The following GLCCI1 variants were observed in gnomAD, a reference collection of about 807,000 sequenced individuals.
GLCCI1 encodes glucocorticoid induced 1.
Under a neutral mutation model 52.2 loss-of-function variants are expected in GLCCI1, and 24 were observed. That is an observed-to-expected ratio of 0.46 (90% CI 0.33 to 0.65). The LOEUF (loss-of-function observed/expected upper bound fraction) is 0.65. Among genes scored for constraint, GLCCI1 ranks in the 30% least tolerant of loss-of-function variants. The probability of loss-of-function intolerance (pLI) is 0.02; values close to 1 mark genes in which losing one functional copy is unlikely to be tolerated. For missense variants in GLCCI1, 704 were observed against 701.5 expected, an observed-to-expected ratio of 1.00 and a Z score of -0.04; for synonymous variants, 310 against 276.5, an observed-to-expected ratio of 1.12 and a Z score of -1.20.
chr7:8,083,573 T>C (rs900409921), intron 6 of GLCCI1, among the ~76,000 whole-genome samples: 1 of 152,196 alleles, frequency 6.6e-6, no homozygotes, highest in African/African-American at 2.4e-5. Context: ...CAAATCTGAA[T>C]GGTATATGAA....
At chr7:8,008,363 T>TAA (rs1781199172) in intron 2 of GLCCI1, among the ~76,000 whole-genome samples, 1 of 151,738 alleles carries the variant, frequency 6.6e-6, no homozygotes, top group South Asian at 2.1e-4. Flanking sequence ...TTGGCTCACT[T>TAA]CAACCTCTGC....
chr7:8,005,075 G>C (rs1425571015), intron 2 of GLCCI1, among the ~76,000 whole-genome samples: 2 of 152,058 alleles, frequency 1.3e-5, no homozygotes, highest in African/African-American at 4.8e-5. Flanking sequence ...CATTTAGTGA[G>C]GAAGAGGATA....
intron 1 of GLCCI1, among the ~76,000 whole-genome samples, chr7:7,996,265 G>T (rs551364739): frequency 2.6e-5 from 4 of 152,100 alleles, no homozygotes; most frequent in African/African-American, 9.6e-5. Flanking sequence ...TAGATGTTTG[G>T]AATTTCATTA....
At chr7:7,992,059 C>A (rs1583952488) in intron 1 of GLCCI1, among the ~76,000 whole-genome samples, 1 of 138,538 alleles carries the variant, frequency 7.2e-6, no homozygotes, top group South Asian at 2.4e-4. Context: ...TTCTTTCTTT[C>A]TTTCTTTCTT....
intron 2 of GLCCI1, among the ~76,000 whole-genome samples, chr7:8,018,282 T>C (rs1037226429): frequency 6.6e-6 from 1 of 152,198 alleles, no homozygotes; most frequent in Admixed American, 6.5e-5. Context: ...TTTTTGTTGA[T>C]GGATTTTTTT....
At chr7:8,013,757 T>A (rs1409875707) in intron 2 of GLCCI1, among the ~76,000 whole-genome samples, 1 of 152,236 alleles carries the variant, frequency 6.6e-6, no homozygotes, top group Non-Finnish European at 1.5e-5. Flanking sequence ...TGGTTGCTGT[T>A]GTAATTAGGA....
In GLCCI1 at chr7:8,038,876, A is replaced by T. The variant is rs547825305; in HGVS notation, c.696+16307A>T. ...AAACTATATATCTGACAAAGGACTA[A>T]TGCACAGAATCTACAAGGAAGTCAA... is the stretch of plus-strand genomic sequence containing the variant. On this transcript the variant is annotated intron_variant, in intron 3 of 7. Coordinates refer to ENST00000223145, the MANE Select transcript of GLCCI1 (RefSeq NM_138426.4). 1.1e-4 allele frequency among the ~76,000 whole-genome samples: 16 copies of T among 152,350 alleles called. No individual in the cohort carries two copies. The South Asian group carries it at 3.3e-3, about 32-fold the overall frequency.
chr7:8,061,783 C>G (rs1335134369), intron 5 of GLCCI1, among the ~76,000 whole-genome samples: 1 of 150,754 alleles, frequency 6.6e-6, no homozygotes, highest in African/African-American at 2.4e-5. Flanking sequence ...TCTCCCGCCT[C>G]AGCCTCCTGA....
At chr7:8,064,616 G>C (rs552850376) in intron 5 of GLCCI1, among the ~76,000 whole-genome samples, 6 of 152,312 alleles carry the variant, frequency 3.9e-5, no homozygotes, top group African/African-American at 1.4e-4. Flanking sequence ...TTTTAAAATA[G>C]ATTTTTCTGA....
In GLCCI1 at chr7:8,021,451, C is replaced by T. The variant is rs1344295738; in HGVS notation, c.610-1032C>T. 4.6e-5 allele frequency among the ~76,000 whole-genome samples: 7 copies of T among 152,030 alleles called. No individual in the cohort carries two copies. The South Asian group carries it at 1.2e-3, about 27-fold the overall frequency. On this transcript the variant is annotated intron_variant, in intron 2 of 7. Transcript: ENST00000223145. ...TTTTGAGACAGAGTTTCACTCTCGT[C>T]GCCCAGGCTGGAGTGCAATGACACA...
At position 8,004,064 on chromosome 7, in the gene GLCCI1, A is replaced by T. The variant is rs1781100328; in HGVS notation, c.609+5A>T. ...ATGAAAGACAAAGCTACTCAGGTAA[A>T]ATCAGGAAATCAAAATCAGCTTATT... On this transcript the variant is annotated splice_donor_5th_base_variant and intron_variant, in intron 2 of 7. Coordinates refer to ENST00000223145, the MANE Select transcript of GLCCI1 (RefSeq NM_138426.4). 1 of 1,611,100 alleles carries T rather than the reference A, an allele frequency of 6.2e-7. No individual in the cohort carries two copies. Among genetic ancestry groups the T allele is most frequent in the African/African-American group, 1.3e-5 (1 of 74,830 alleles).
At chr7:8,070,543 C>T (rs931314240) in intron 5 of GLCCI1, 1 of 159,396 alleles carries the variant, frequency 6.3e-6, no homozygotes, top group South Asian at 1.9e-4. Flanking sequence ...TTCTTACAAG[C>T]AAGTCAAAGT....
intron 5 of GLCCI1, among the ~76,000 whole-genome samples, chr7:8,061,559 C>G (rs770884368): frequency 3.8e-4 from 57 of 151,744 alleles, no homozygotes; most frequent in Non-Finnish European, 7.9e-4. Flanking sequence ...TACTATTTGA[C>G]TCTCCTTCAA....
intron 3 of GLCCI1, among the ~76,000 whole-genome samples, chr7:8,036,340 C>T (rs1018203797): frequency 6.6e-6 from 1 of 151,986 alleles, no homozygotes; most frequent in Non-Finnish European, 1.5e-5. Context: ...GGAAAGCACC[C>T]AGAATAAAAG....
chr7:8,086,496 G>A lies in GLCCI1; in HGVS notation c.1602G>A (p.Gln534=), dbSNP rs1394140354. 1 of 1,613,688 alleles carries A rather than the reference G, an allele frequency of 6.2e-7. No individual in the cohort carries two copies. Among genetic ancestry groups the A allele is most frequent in the Non-Finnish European group, 8.5e-7 (1 of 1,179,872 alleles). ...AGCAGCAGCTCCTGCAGGAACTGCA[G>A]GGTGAGGACCACATCTCTGCTCAGA... ...SQQQQLLQEL[Q]GEDHISAQNY... The change falls in exon 8 of 8, where the codon CAG becomes CAA. Residue 534 remains glutamine (Q), a synonymous_variant. Coordinates refer to ENST00000223145, the MANE Select transcript of GLCCI1 (RefSeq NM_138426.4). The surrounding 1 kb of genome is among the most constrained non-coding windows in gnomAD (Gnocchi z 4.4).
rs1468962469 is a variant in GLCCI1, at chr7:8,055,730, C to A, written c.813+181C>A. On this transcript the variant is annotated intron_variant, in intron 4 of 7. Transcript: ENST00000223145. ...GGCGGCCGGCCTTGGTGGCTCACGC[C>A]TGTAATCCCAGCACTTTGGGAGGCC... The A allele has an allele frequency of 1.1e-5, 5 of 447,100 alleles. No homozygotes were observed. The South Asian group carries it at 1.2e-4, about 10-fold the overall frequency. 27.7% of individuals were successfully genotyped at this position (447,100 alleles called of 1,614,324 possible).
chr7:8,019,896 G>A (rs1781451279), intron 2 of GLCCI1, among the ~76,000 whole-genome samples: 1 of 152,218 alleles, frequency 6.6e-6, no homozygotes, highest in South Asian at 2.1e-4. Flanking sequence ...GGGTCAGTGA[G>A]CGGTGAGTGA....
chr7:8,017,385 C>G (rs1781401496), intron 2 of GLCCI1, among the ~76,000 whole-genome samples: 1 of 152,138 alleles, frequency 6.6e-6, no homozygotes, highest in African/African-American at 2.4e-5. Context: ...GATTCCGTAT[C>G]TTATTGATTT....
chr7:8,054,724 A>T (rs987872085), intron 3 of GLCCI1, among the ~76,000 whole-genome samples: 22 of 152,100 alleles, frequency 1.4e-4, no homozygotes, highest in Admixed American at 3.3e-4. Flanking sequence ...CCAATATTAA[A>T]TGACTACCCC....
Sources: allele counts gnomAD v4.1 joint callset (sites outside exome capture counted in the v4.1 genomes callset), GRCh38; gene constraint gnomAD v4.1.1; non-coding constraint Gnocchi (gnomAD v3.1); transcripts MANE v1.5; gene names NCBI Gene and HGNC (gene_info 2026-07-23, HGNC 2026-07-21).